Variants in E2F3 observed in about 807,000 individuals in gnomAD.
E2F3 encodes the protein E2F transcription factor 3.
A neutral mutation model predicts 44.4 loss-of-function variants in E2F3; 11 were observed. That is an observed-to-expected ratio of 0.25 (90% CI 0.16 to 0.41). The LOEUF (loss-of-function observed/expected upper bound fraction) is 0.41. E2F3 is among the 10% of genes least tolerant of loss of function. E2F3 has a pLI of 1.00. For missense variants in E2F3, 487 were observed against 583.6 expected (o/e 0.83, Z 1.70); for synonymous variants, 249 against 253.0 (o/e 0.98, Z 0.15).
In E2F3 at chr6:20,441,725, A is replaced by AT. The variant is rs70990031; in HGVS notation, c.394-38099dup. 3.2e-3 allele frequency among the ~76,000 whole-genome samples: 387 copies of AT among 119,306 alleles called. 2 individuals are homozygous for AT. The highest frequency in any genetic ancestry group is 0.021 in the East Asian group (90 of 4,262). 78.3% of individuals were successfully genotyped at this position (119,306 alleles called of 152,430 possible). On this transcript the variant is annotated intron_variant, in intron 1 of 6. Transcript: ENST00000346618. ...AAGTAGCTGAGATCACGCGTGGGTA[A>AT]TTTTTTTTTTTTTTTTTTTTTTAGT...
intron 1 of E2F3, chr6:20,403,754 C>T: frequency 6.7e-7 from 1 of 1,487,106 alleles, no homozygotes; most frequent in Non-Finnish European, 8.9e-7. Flanking sequence ...TCTGTTCGGC[C>T]CTCCGGGCCC....
At chr6:20,417,162 A>G (rs1467829196) in intron 1 of E2F3, among the ~76,000 whole-genome samples, 1 of 152,214 alleles carries the variant, frequency 6.6e-6, no homozygotes, top group Non-Finnish European at 1.5e-5. Flanking sequence ...GACAAGGCTT[A>G]TCTGAAAATG....
In E2F3 at chr6:20,402,284, G is replaced by A. The variant is rs763397999; in HGVS notation, c.52G>A (p.Gly18Ser). The A allele has an allele frequency of 6.2e-7, 1 of 1,609,156 alleles. No individual in the cohort carries two copies. The highest frequency in any genetic ancestry group is 8.5e-7 in the Non-Finnish European group (1 of 1,178,810). ...ALEQYLVTAGGGEGAAVVAAA... is the reference protein window; with the variant it reads ...ALEQYLVTAGSGEGAAVVAAA... Reference sequence around the variant, plus strand: ...GGAGCAGTACCTGGTGACCGCCGGGGGTGGGGAGGGGGCGGCTGTCGTCGC... The same window carrying A: ...GGAGCAGTACCTGGTGACCGCCGGGAGTGGGGAGGGGGCGGCTGTCGTCGC... Residue 18 changes from glycine to serine, a missense_variant, in exon 1 of 7, where the codon GGT (glycine) becomes AGT (serine). Physicochemically the swap from Gly to Ser is moderately conservative, Grantham distance 56. This residue lies in a region of E2F3 where 238 missense variants were observed against 236.0 expected (regional missense o/e 1.01). Transcript: ENST00000346618. The surrounding 1 kb of genome is among the most constrained non-coding windows in gnomAD (Gnocchi z 5.6).
At chr6:20,437,633 G>C (rs761275659) in intron 1 of E2F3, among the ~76,000 whole-genome samples, 1 of 152,076 alleles carries the variant, frequency 6.6e-6, no homozygotes, top group East Asian at 1.9e-4. Context: ...CCCTATTTTT[G>C]TTAAGGAGAG....
At chr6:20,440,824 A>G (rs878859583) in intron 1 of E2F3, among the ~76,000 whole-genome samples, 4 of 152,188 alleles carry the variant, frequency 2.6e-5, no homozygotes, top group African/African-American at 9.7e-5. Context: ...TGCCAGAAGT[A>G]AATTTGGTGG....
intron 1 of E2F3, among the ~76,000 whole-genome samples, chr6:20,459,526 AT>A (rs890036655): frequency 2.0e-5 from 3 of 152,114 alleles, no homozygotes; most frequent in Non-Finnish European, 1.5e-5. Context: ...GTTTACATTG[AT>A]TTTTTTTAAT....
intron 5 of E2F3, among the ~76,000 whole-genome samples, 175 bp from the exon 6 acceptor site, chr6:20,487,938 G>A (rs2127627095): frequency 6.6e-6 from 1 of 152,342 alleles, no homozygotes; most frequent in South Asian, 2.1e-4. Flanking sequence ...CCCTTAGGCT[G>A]TGGTTTGCTG....
Position 20,493,098 on chromosome 6 carries a change from G to A in E2F3, c.*2668G>A, listed in dbSNP as rs985149294. On this transcript the variant is annotated 3_prime_UTR_variant, in exon 7 of 7. Coordinates refer to ENST00000346618, the MANE Select transcript of E2F3 (RefSeq NM_001949.5). Reference sequence around the variant, plus strand: ...GCAATCGTTTTATTTAAGTTGATATGTAGTCTACTCACATTTTCATTATTT... The same window carrying A: ...GCAATCGTTTTATTTAAGTTGATATATAGTCTACTCACATTTTCATTATTT... 6 of 220,078 alleles carry A rather than the reference G, an allele frequency of 2.7e-5. No individual in the cohort carries two copies. The highest frequency in any genetic ancestry group is 6.7e-5 in the East Asian group (1 of 14,952). 13.6% of individuals were successfully genotyped at this position (220,078 alleles called of 1,614,324 possible). A position where few individuals can be genotyped will look rare whatever the true frequency, so the allele number is the denominator to read the frequency against.
At chr6:20,409,374 GATTT>G (rs1439850785) in intron 1 of E2F3, among the ~76,000 whole-genome samples, 1 of 152,200 alleles carries the variant, frequency 6.6e-6, no homozygotes, top group African/African-American at 2.4e-5. Context: ...TATTTTTAAA[GATTT>G]ATTTGATATT....
intron 2 of E2F3, among the ~76,000 whole-genome samples, chr6:20,480,191 A>C (rs565920919): frequency 5.9e-5 from 9 of 152,116 alleles, no homozygotes; most frequent in Non-Finnish European, 8.8e-5. Flanking sequence ...ATGTAGTTTC[A>C]TTTTTCAACT....
intron 1 of E2F3, among the ~76,000 whole-genome samples, chr6:20,457,616 A>T (rs928250287): frequency 6.6e-6 from 1 of 152,066 alleles, no homozygotes; most frequent in African/African-American, 2.4e-5. Flanking sequence ...ACTCATAAAA[A>T]GGAGACAAAC....
chr6:20,482,699 G>A lies in E2F3; in HGVS notation c.726-63G>A, dbSNP rs1316089964. ...GTCAAGAGGAGACATTTACCCAAAGGATCATTTCTCCTTCCCCTCCCTCCC... is the reference window on the plus strand; with the variant it reads ...GTCAAGAGGAGACATTTACCCAAAGAATCATTTCTCCTTCCCCTCCCTCCC... On this transcript the variant is annotated intron_variant, in intron 3 of 6. Coordinates refer to ENST00000346618, the MANE Select transcript of E2F3 (RefSeq NM_001949.5). The A allele has an allele frequency of 4.6e-6, 7 of 1,507,084 alleles. No homozygotes were observed. The African/African-American group carries it at 9.8e-5, about 21-fold the overall frequency. 93.4% of individuals were successfully genotyped at this position (1,507,084 alleles called of 1,614,324 possible). A position where few individuals can be genotyped will look rare whatever the true frequency, so the allele number is the denominator to read the frequency against.
rs767441139 is a variant in E2F3 at position 20,402,611 on chromosome 6, G to A, written c.379G>A (p.Gly127Ser). The A allele has an allele frequency of 5.2e-6, 7 of 1,341,094 alleles. No individual in the cohort carries two copies. In the African/African-American group the frequency reaches 1.1e-4, roughly 21 times the overall value. The allele number at this position is 1,341,094 out of a possible 1,614,324, so 83.1% of individuals were successfully genotyped here. A position where few individuals can be genotyped will look rare whatever the true frequency, so the allele number is the denominator to read the frequency against. The change falls in exon 1 of 7, where the codon GGC becomes AGC. Residue 127 changes from glycine (G) to serine (S), a missense_variant. Gly to Ser is a moderately conservative substitution (Grantham distance 56, BLOSUM62 0). Transcript: ENST00000346618. This position sits in a 1 kb window ranked among gnomAD's most constrained non-coding sequence, Gnocchi z 5.6. ...PALGRGGSGG[G>S]GGPPAKRRLE... is the part of the protein sequence containing the mutation. ...GCTGGGACGCGGCGGCAGCGGCGGC[G>A]GCGGCGGCCCTCCGGTAATACCCTC...
intron 1 of E2F3, among the ~76,000 whole-genome samples, chr6:20,405,108 C>T (rs1200066331): frequency 5.3e-5 from 8 of 152,246 alleles, no homozygotes; most frequent in African/African-American, 1.9e-4. Flanking sequence ...TTTATTATAT[C>T]TAGTTCATTG....
chr6:20,492,846 C>T lies in E2F3; in HGVS notation c.*2416C>T. 1 of 223,334 alleles carries T rather than the reference C, an allele frequency of 4.5e-6. No individual in the cohort carries two copies. The highest frequency in any genetic ancestry group is 9.0e-6 in the Non-Finnish European group (1 of 111,658). 13.8% of individuals were successfully genotyped at this position (223,334 alleles called of 1,614,324 possible). A position where few individuals can be genotyped will look rare whatever the true frequency, so the allele number is the denominator to read the frequency against. On this transcript the variant is annotated 3_prime_UTR_variant, in exon 7 of 7. Coordinates refer to ENST00000346618, the MANE Select transcript of E2F3 (RefSeq NM_001949.5). Reference sequence around the variant, plus strand: ...TTTCTTTTTGACTTAGTATCCGGCACACAAAGTGGGTTAGTACTACAGTAT... The same window carrying T: ...TTTCTTTTTGACTTAGTATCCGGCATACAAAGTGGGTTAGTACTACAGTAT...
chr6:20,419,753 T>G (rs772574739), intron 1 of E2F3, among the ~76,000 whole-genome samples: 1 of 151,708 alleles, frequency 6.6e-6, no homozygotes, highest in African/African-American at 2.4e-5. Flanking sequence ...TTTAGTAGAG[T>G]TGGGGTTTCA....
At chr6:20,482,672 A>G in intron 3 of E2F3, 90 bp from the exon 4 acceptor site, 1 of 1,329,252 alleles carries the variant, frequency 7.5e-7, no homozygotes, top group Non-Finnish European at 1.0e-6. Context: ...GTGACCTCCT[A>G]TGTCAAGAGG....
At chr6:20,416,065 C>A (rs895618526) in intron 1 of E2F3, among the ~76,000 whole-genome samples, 5 of 152,176 alleles carry the variant, frequency 3.3e-5, no homozygotes, top group African/African-American at 1.2e-4. Context: ...TGGTTCTTAC[C>A]TCACAGAGTT....
At chr6:20,469,537 G>T (rs928923798) in intron 1 of E2F3, among the ~76,000 whole-genome samples, 3 of 152,154 alleles carry the variant, frequency 2.0e-5, no homozygotes, top group Non-Finnish European at 4.4e-5. Flanking sequence ...AGGAGGGACC[G>T]CAGTCACCAG....
Sources: gnomAD v4.1 joint callset for allele counts (sites outside exome capture counted in the v4.1 genomes callset) on GRCh38, gnomAD v4.1.1 for gene constraint, gnomAD v4.1.1 regional missense constraint, Gnocchi (gnomAD v3.1) non-coding constraint, MANE v1.5 for transcripts, NCBI Gene and HGNC (gene_info 2026-07-23, HGNC 2026-07-21) for gene names.